TRAK1: variants seen among roughly 807,000 people sequenced by gnomAD.
TRAK1 encodes the protein trafficking kinesin-binding protein 1.
A neutral mutation model predicts 92.1 loss-of-function variants in TRAK1; 33 were observed. The ratio of observed to expected loss-of-function variants is 0.36; its 90% CI spans 0.27 to 0.48. The LOEUF is 0.48. Among genes scored for constraint, TRAK1 ranks in the 20% least tolerant of loss-of-function variants. TRAK1 has a pLI of 0.99. For missense variants in TRAK1, 1,123 were observed against 1,257.9 expected, an observed-to-expected ratio of 0.89 and a Z score of 1.62; for synonymous variants, 521 against 517.3, an observed-to-expected ratio of 1.01 and a Z score of -0.10.
chr3:42,193,732 G>A, intron 8 of TRAK1, 92 bp from the exon 9 acceptor site: 1 of 1,260,296 alleles, frequency 7.9e-7, no homozygotes. Context: ...TGTAGAAAGT[G>A]ATGAGTTCAT....
intron 2 of TRAK1, among the ~76,000 whole-genome samples, chr3:42,161,975 C>T (rs551944434): frequency 7.9e-5 from 12 of 152,326 alleles, no homozygotes; most frequent in African/African-American, 2.6e-4. Context: ...GCTTCAAGTG[C>T]AGCCAGTGCC....
At chr3:42,105,602 A>G (rs1386250106) in intron 1 of TRAK1, among the ~76,000 whole-genome samples, 1 of 152,224 alleles carries the variant, frequency 6.6e-6, no homozygotes, top group Non-Finnish European at 1.5e-5. Flanking sequence ...TCTTCAGGAT[A>G]TTATCCAGGA....
chr3:42,169,025 T>C (rs1702209996), intron 2 of TRAK1, among the ~76,000 whole-genome samples: 1 of 152,212 alleles, frequency 6.6e-6, no homozygotes, highest in Admixed American at 6.5e-5. Context: ...GGTTTCACCA[T>C]GTTGGCCACG....
At chr3:42,200,713 T>C in intron 11 of TRAK1, 105 bp from the exon 12 acceptor site, 2 of 1,167,470 alleles carry the variant, frequency 1.7e-6, no homozygotes, top group East Asian at 4.7e-5. Context: ...GGGGGACTCG[T>C]CATAGGCCAG....
At chr3:42,153,252 A>G (rs964562295) in intron 2 of TRAK1, among the ~76,000 whole-genome samples, 9 of 152,096 alleles carry the variant, frequency 5.9e-5, no homozygotes, top group Non-Finnish European at 1.3e-4. Context: ...AAAAATAAAA[A>G]CATTAGCTGA....
chr3:42,137,152 G>A (rs533149177), intron 2 of TRAK1, among the ~76,000 whole-genome samples: 2 of 152,122 alleles, frequency 1.3e-5, no homozygotes, highest in East Asian at 3.9e-4. Flanking sequence ...AATATTGTAT[G>A]TTGACCATTT....
At chr3:42,065,245 C>T (rs927021420) in intron 1 of TRAK1, among the ~76,000 whole-genome samples, 5 of 152,082 alleles carry the variant, frequency 3.3e-5, no homozygotes, top group Non-Finnish European at 7.4e-5. Context: ...GAGCGAGACT[C>T]CCATCTCAAA....
chr3:42,146,662 C>A (rs1354311316), intron 2 of TRAK1, among the ~76,000 whole-genome samples: 1 of 152,224 alleles, frequency 6.6e-6, no homozygotes, highest in African/African-American at 2.4e-5. Flanking sequence ...TCAGGTGATC[C>A]TCCAGCTTCA....
At chr3:42,113,928 C>T (rs999195560) in intron 1 of TRAK1, among the ~76,000 whole-genome samples, 2 of 152,120 alleles carry the variant, frequency 1.3e-5, no homozygotes, top group African/African-American at 4.8e-5. Context: ...CCGTTTAGTT[C>T]CAGAACATTT....
chr3:42,043,443 C>T (rs941448165), intron 1 of TRAK1, among the ~76,000 whole-genome samples: 7 of 151,984 alleles, frequency 4.6e-5, no homozygotes, highest in Non-Finnish European at 1.0e-4. Flanking sequence ...CCCTGCCCTC[C>T]CTCTCTCCTT....
chr3:42,091,881 C>T (rs1485261582), intron 1 of TRAK1, among the ~76,000 whole-genome samples: 1 of 152,152 alleles, frequency 6.6e-6, no homozygotes, highest in African/African-American at 2.4e-5. Context: ...CACTGCCACT[C>T]CCTTTCCCTT....
intron 14 of TRAK1, chr3:42,218,721 A>G (rs1477968546): frequency 1.0e-6 from 1 of 985,320 alleles, no homozygotes; most frequent in African/African-American, 1.7e-5. Context: ...AAAAGGAAGT[A>G]AATTGAGAAC....
intron 1 of TRAK1, among the ~76,000 whole-genome samples, chr3:42,064,835 G>A (rs1559732623): frequency 6.6e-6 from 1 of 151,930 alleles, no homozygotes; most frequent in African/African-American, 2.4e-5. Flanking sequence ...GGCAGATCAC[G>A]AGGTCAGGAG....
rs528188329 is a variant in TRAK1 at position 42,138,982 on chromosome 3, G to A, written c.286+13368G>A. On this transcript the variant is annotated intron_variant, in intron 2 of 15. Transcript: ENST00000327628. ...AGTCTGTTGTCACCTAGACGTGTGC[G>A]TGGTGAGGCAGGGTTGAATGAAGGA... is the stretch of plus-strand genomic sequence containing the variant. 5.3e-5 allele frequency among the ~76,000 whole-genome samples: 8 copies of A among 151,402 alleles called. No individual in the cohort carries two copies. The South Asian group carries it at 8.4e-4, about 16-fold the overall frequency.
In TRAK1 at chr3:42,123,535, T is replaced by C. The variant is rs1241127806; in HGVS notation, c.92-1885T>C. ...CCCACTGACTGCACCAGTCATTTCC[T>C]GTGTGTGTGCAGACATGCACGCATG... On this transcript the variant is annotated intron_variant, in intron 1 of 15. Transcript: ENST00000327628. Among the ~76,000 whole-genome samples the C allele has an allele frequency of 5.3e-5, 8 of 152,260 alleles. No homozygotes were observed. In the East Asian group the frequency reaches 1.5e-3, roughly 29 times the overall value.
intron 1 of TRAK1, among the ~76,000 whole-genome samples, chr3:42,095,832 A>G (rs1475111187): frequency 6.6e-6 from 1 of 152,176 alleles, no homozygotes; most frequent in Non-Finnish European, 1.5e-5. Context: ...GTGCAATGGT[A>G]TCAGGTGGTG....
chr3:42,065,580 A>G (rs1251758580), intron 1 of TRAK1, among the ~76,000 whole-genome samples: 1 of 152,064 alleles, frequency 6.6e-6, no homozygotes, highest in African/African-American at 2.4e-5. Flanking sequence ...CAAACTGAAT[A>G]GCCTTTACCC....
At chr3:42,210,360 A>G (rs963490772) in intron 14 of TRAK1, 12 of 1,388,664 alleles carry the variant, frequency 8.6e-6, no homozygotes, top group East Asian at 2.5e-5. Flanking sequence ...TTGGAGGTGC[A>G]TGGCCCATCA....
intron 2 of TRAK1, among the ~76,000 whole-genome samples, chr3:42,133,545 C>A (rs1255949031): frequency 6.6e-6 from 1 of 152,184 alleles, no homozygotes; most frequent in Non-Finnish European, 1.5e-5. Context: ...TGGTTCTCAA[C>A]AGAAGTGTGC....
Sources: allele counts gnomAD v4.1 joint callset (sites outside exome capture counted in the v4.1 genomes callset), GRCh38; gene constraint gnomAD v4.1.1; transcripts MANE v1.5; gene names NCBI Gene and HGNC (gene_info 2026-07-23, HGNC 2026-07-21).